CYP27C1: variants seen among roughly 807,000 people sequenced by gnomAD.
CYP27C1 encodes the protein cytochrome P450 27C1.
In CYP27C1, 29 loss-of-function variants were observed where a neutral mutation model predicts 40.6. That is an observed-to-expected ratio of 0.71 (90% CI 0.53 to 0.97). The LOEUF is 0.97. Among genes scored for constraint, CYP27C1 ranks in the 50% least tolerant of loss-of-function variants. The pLI, the probability that CYP27C1 is intolerant of heterozygous loss-of-function variation, is 0.00. For synonymous variants in CYP27C1, 198 were observed against 186.8 expected, an observed-to-expected ratio of 1.06 and a Z score of -0.49; for missense variants, 390 against 485.8, an observed-to-expected ratio of 0.80 and a Z score of 1.85.
rs1682884225 is a variant in CYP27C1, at chr2:127,195,590, A to AATAC, written c.1048-93_1048-90dup. 1 of 1,365,132 alleles carries AATAC rather than the reference A, an allele frequency of 7.3e-7. No individual in the cohort carries two copies. Among genetic ancestry groups the AATAC allele is most frequent in the African/African-American group, 1.4e-5 (1 of 69,244 alleles). 84.6% of individuals were successfully genotyped at this position (1,365,132 alleles called of 1,614,324 possible). The stretch of plus-strand genomic sequence containing the variant: ...GGTGGCAGGTAGGAAGTCCCCTGGG[A>AATAC]ATACACACAGCACAAAGTCAAACTC... On this transcript the variant is annotated intron_variant, in intron 5 of 8. Coordinates refer to ENST00000664447, the MANE Select transcript of CYP27C1 (RefSeq NM_001367502.1). The surrounding 1 kb of genome is among the most constrained non-coding windows in gnomAD (Gnocchi z 6.2).
In CYP27C1 at chr2:127,184,334, C is replaced by T. The variant is rs1276802894; in HGVS notation, c.*2937G>A. 1 of 151,872 alleles carries T rather than the reference C, an allele frequency of 6.6e-6. No individual in the cohort carries two copies. Among genetic ancestry groups the T allele is most frequent in the African/African-American group, 2.4e-5 (1 of 41,358 alleles). The allele number at this position is 151,872 out of a possible 1,614,324, so 9.4% of individuals were successfully genotyped here. A position where few individuals can be genotyped will look rare whatever the true frequency, so the allele number is the denominator to read the frequency against. On this transcript the variant is annotated 3_prime_UTR_variant, in exon 9 of 9. Transcript: ENST00000664447. The stretch of plus-strand genomic sequence containing the variant: ...TGAATCTGATTCAAACGAAGTCCAG[C>T]ATTGTACTTGGTTAATATGTCTCCT...
rs892361958 is a variant in CYP27C1, at chr2:127,208,345, CTG to C, written c.283-2257_283-2256del. ...TGAGCGGGCTACCCAGCTGGGGAAA[CTG>C]TGCTTTTTCCACAGAACTGTGCAAC... is the stretch of plus-strand genomic sequence containing the variant. On this transcript the variant is annotated intron_variant, in intron 1 of 8. Transcript: ENST00000664447. The surrounding 1 kb of genome is among the most constrained non-coding windows in gnomAD (Gnocchi z 5.2). Among the ~76,000 whole-genome samples the C allele has an allele frequency of 4.6e-5, 7 of 152,186 alleles. No individual in the cohort carries two copies. The highest frequency in any genetic ancestry group is 2.1e-4 in the South Asian group (1 of 4,826).
intron 1 of CYP27C1, among the ~76,000 whole-genome samples, chr2:127,214,385 C>T (rs986671996): frequency 6.6e-5 from 10 of 152,146 alleles, no homozygotes; most frequent in South Asian, 2.1e-4. Flanking sequence ...TTTACAGCAG[C>T]GCTATTTACA....
In CYP27C1 at chr2:127,218,798, A is replaced by C. The variant is rs6710496; in HGVS notation, c.282+1191T>G. Among the ~76,000 whole-genome samples the C allele has an allele frequency of 0.67, 101,976 of 152,118 alleles. 34,534 individuals are homozygous for C. The highest frequency in any genetic ancestry group is 0.9 in the East Asian group (4,671 of 5,162). Reference sequence around the variant, plus strand: ...CTCGGAAGACACCAAAAGCCCCCATACCAGAAATAACAGTGCGTGCTGGGC... The same window carrying C: ...CTCGGAAGACACCAAAAGCCCCCATCCCAGAAATAACAGTGCGTGCTGGGC... On this transcript the variant is annotated intron_variant, in intron 1 of 8. Transcript: ENST00000664447. The surrounding 1 kb of genome is among the most constrained non-coding windows in gnomAD (Gnocchi z 6.0).
rs1014143546 is a variant in CYP27C1 at position 127,218,907 on chromosome 2, C to T, written c.282+1082G>A. Among the ~76,000 whole-genome samples the T allele has an allele frequency of 6.6e-6, 1 of 152,290 alleles. No homozygotes were observed. Among genetic ancestry groups the T allele is most frequent in the East Asian group, 1.9e-4 (1 of 5,158 alleles). On this transcript the variant is annotated intron_variant, in intron 1 of 8. Coordinates refer to ENST00000664447, the MANE Select transcript of CYP27C1 (RefSeq NM_001367502.1). The surrounding 1 kb of genome is among the most constrained non-coding windows in gnomAD (Gnocchi z 6.0). ...GGTGCAGTGCCCCTGCCACGAAGGGCGCAACGGAGGTGGGCGTGGGAAGGA... is the reference window on the plus strand; with the variant it reads ...GGTGCAGTGCCCCTGCCACGAAGGGTGCAACGGAGGTGGGCGTGGGAAGGA...
chr2:127,204,063 A>C (rs1358349670), intron 2 of CYP27C1, among the ~76,000 whole-genome samples: 1 of 151,662 alleles, frequency 6.6e-6, no homozygotes, highest in Non-Finnish European at 1.5e-5. Flanking sequence ...TCAGGAATTC[A>C]AGACCAGCCT....
At chr2:127,204,549 GAGAGAGAGAAAGAAAGAAAGAA>G (rs1441782381) in intron 2 of CYP27C1, among the ~76,000 whole-genome samples, 30 of 77,932 alleles carry the variant, frequency 3.8e-4, no homozygotes, top group South Asian at 8.1e-4. Context: ...GAGAGAGAGA[GAGAGAGAGAAAGAAAGAAAGAA>G]AGAAAGAAAG....
intron 1 of CYP27C1, among the ~76,000 whole-genome samples, chr2:127,207,410 C>T (rs944321902): frequency 6.6e-6 from 1 of 152,202 alleles, no homozygotes; most frequent in Non-Finnish European, 1.5e-5. Flanking sequence ...AGTAGAATCG[C>T]TTGAACCCAG....
At chr2:127,214,709 G>A (rs1454893080) in intron 1 of CYP27C1, among the ~76,000 whole-genome samples, 3 of 151,468 alleles carry the variant, frequency 2.0e-5, no homozygotes, top group African/African-American at 7.3e-5. Flanking sequence ...GGGTCAATAG[G>A]TGCAGCAAAC....
intron 2 of CYP27C1, 119 bp from the exon 3 acceptor site, chr2:127,203,690 G>A: frequency 3.0e-6 from 3 of 1,002,354 alleles, no homozygotes; most frequent in Non-Finnish European, 4.4e-6. Context: ...GCCCAACAAA[G>A]TAGAATTAAG....
chr2:127,214,782 G>GTTTTTTTT (rs57262340), intron 1 of CYP27C1, among the ~76,000 whole-genome samples: 4 of 92,380 alleles, frequency 4.3e-5, no homozygotes, highest in Admixed American at 1.3e-4. Flanking sequence ...TCCGTTTTTT[G>GTTTTTTTT]TTTTTTTTTT....
At chr2:127,188,157 G>A (rs1421583624) in intron 8 of CYP27C1, among the ~76,000 whole-genome samples, 1 of 152,140 alleles carries the variant, frequency 6.6e-6, no homozygotes, top group African/African-American at 2.4e-5. Flanking sequence ...AAAGGGCAGG[G>A]GGCAGATGAG....
chr2:127,214,866 C>T (rs2404532), intron 1 of CYP27C1, among the ~76,000 whole-genome samples: 97,872 of 145,504 alleles, frequency 0.67, 33,205 homozygotes, highest in East Asian at 0.9. Flanking sequence ...CAGTGGCTCA[C>T]GCCTGTAATC....
Position 127,195,296 on chromosome 2 carries a change from G to A in CYP27C1, c.1214+39C>T. The A allele has an allele frequency of 6.2e-7, 1 of 1,613,048 alleles. No individual in the cohort carries two copies. The highest frequency in any genetic ancestry group is 8.5e-7 in the Non-Finnish European group (1 of 1,179,404). ...TTGTGATAGAGAACCAGGGACCTAAGGGACACAGTTTGTTGACGGATTCTG... is the reference window on the plus strand; with the variant it reads ...TTGTGATAGAGAACCAGGGACCTAAAGGACACAGTTTGTTGACGGATTCTG... On this transcript the variant is annotated intron_variant, in intron 6 of 8. Transcript: ENST00000664447. The surrounding 1 kb of genome is among the most constrained non-coding windows in gnomAD (Gnocchi z 6.2).
chr2:127,204,482 A>G (rs1252549974), intron 2 of CYP27C1, among the ~76,000 whole-genome samples: 33 of 79,124 alleles, frequency 4.2e-4, no homozygotes, highest in Admixed American at 8.6e-4. Context: ...GAAAGAAAGA[A>G]AGAAAGGAAG....
In CYP27C1 at chr2:127,219,784, A is replaced by G. The variant is rs1401045264; in HGVS notation, c.282+205T>C. On this transcript the variant is annotated intron_variant, in intron 1 of 8. Transcript: ENST00000664447. This position sits in a 1 kb window ranked among gnomAD's most constrained non-coding sequence, Gnocchi z 8.7. ...ATCGCCTTTCCGGCGTCCTCTCCCC[A>G]GCGCCCCTTCCTGCGAACCTTAACC... Among the ~76,000 whole-genome samples, 1 of 67,234 alleles carries G rather than the reference A, an allele frequency of 1.5e-5. No individual in the cohort carries two copies. The highest frequency in any genetic ancestry group is 2.8e-5 in the Non-Finnish European group (1 of 35,756). The allele number at this position is 67,234 out of a possible 152,430, so 44.1% of individuals were successfully genotyped here.
rs377029875 is a variant in CYP27C1 at position 127,203,356 on chromosome 2, G to T, written c.673+16C>A. On this transcript the variant is annotated intron_variant, in intron 3 of 8. Transcript: ENST00000664447. ...ATCCATTCTTCCCTCCTTCCCACCTGCTGATTCCACCTCACCTTCCATTGA... is the reference window on the plus strand; with the variant it reads ...ATCCATTCTTCCCTCCTTCCCACCTTCTGATTCCACCTCACCTTCCATTGA... 1.1e-4 allele frequency: 173 copies of T among 1,609,032 alleles called. No individual in the cohort carries two copies. Among genetic ancestry groups the T allele is most frequent in the Middle Eastern group, 6.6e-4 (4 of 6,046 alleles).
rs1682818761 is a variant in CYP27C1, at chr2:127,193,123, C to T, written c.1468G>A (p.Glu490Lys). The T allele has an allele frequency of 6.2e-7, 1 of 1,614,102 alleles. No homozygotes were observed. The highest frequency in any genetic ancestry group is 1.7e-5 in the Admixed American group (1 of 60,006). Reference sequence around the variant, plus strand: ...ATCACGACGAGGTGAATCTCCAGTTCTGCAATTCTCCGCCCTATGCAGCTG... The same window carrying T: ...ATCACGACGAGGTGAATCTCCAGTTTTGCAATTCTCCGCCCTATGCAGCTG... ...VRSCIGRRIA[E>K]LEIHLVVIQL... Residue 490 changes from glutamate (E) to lysine (K), a missense_variant, in exon 8 of 9, where the codon GAA (glutamate) becomes AAA (lysine). By Grantham distance (56) the Glu-to-Lys change is moderately conservative. Transcript: ENST00000664447.
At chr2:127,205,741 A>G in intron 2 of CYP27C1, 159 bp downstream of exon 2, 9 of 985,412 alleles carry the variant, frequency 9.1e-6, no homozygotes, top group South Asian at 4.7e-5. Context: ...CAGGGCTCTC[A>G]TGTCTGGGAG....
Sources: allele counts gnomAD v4.1 joint callset (sites outside exome capture counted in the v4.1 genomes callset), GRCh38; gene constraint gnomAD v4.1.1; non-coding constraint Gnocchi (gnomAD v3.1); transcripts MANE v1.5; gene names NCBI Gene and HGNC (gene_info 2026-07-23, HGNC 2026-07-21).